Variants in DST observed in about 807,000 individuals in gnomAD.
DST encodes the protein bullous pemphigoid antigen.
Under a neutral mutation model 875.2 loss-of-function variants are expected in DST, and 253 were observed. The ratio of observed to expected loss-of-function variants is 0.29; its 90% CI spans 0.26 to 0.32. The LOEUF (loss-of-function observed/expected upper bound fraction) is 0.32, where lower values mean the gene tolerates loss of function less well. Among genes scored for constraint, DST ranks in the 10% least tolerant of loss-of-function variants. DST has a pLI of 1.00. For missense variants in DST, 8,287 were observed against 9,111.6 expected (o/e 0.91, Z 3.68); for synonymous variants, 3,124 against 3,197.1 (o/e 0.98, Z 0.77).
chr6:56,663,281 C>T (rs566099509), intron 10 of DST, among the ~76,000 whole-genome samples: 5 of 152,304 alleles, frequency 3.3e-5, no homozygotes, highest in African/African-American at 1.2e-4. Flanking sequence ...AGAAGTCATC[C>T]ATTTCTGTTC....
intron 3 of DST, among the ~76,000 whole-genome samples, chr6:56,893,099 C>T (rs180795426): frequency 5.9e-5 from 9 of 152,294 alleles, no homozygotes; most frequent in African/African-American, 2.2e-4. Context: ...TTGGTGCACC[C>T]ATCACCCAAG....
At chr6:56,467,436 A>C (rs896839054) in intron 98 of DST, 2 of 152,138 alleles carry the variant, frequency 1.3e-5, no homozygotes, top group Non-Finnish European at 2.9e-5. Flanking sequence ...ACTTTTAAAA[A>C]CCACTATTTC....
Position 56,953,815 on chromosome 6 carries a change from A to G in DST, c.186T>C (p.Ala62=). The G allele has an allele frequency of 1.5e-6, 2 of 1,314,868 alleles. No homozygotes were observed. The highest frequency in any genetic ancestry group is 2.0e-6 in the Non-Finnish European group (2 of 993,894). 81.5% of individuals were successfully genotyped at this position (1,314,868 alleles called of 1,614,324 possible). Residue 62 remains alanine (A), a synonymous_variant, in exon 2 of 104, where the codon GCT becomes GCC. Coordinates refer to ENST00000680361, the MANE Select transcript of DST (RefSeq NM_001374736.1). ...VFSGRSRSRD[A]VLRSHHFRSE... ...AACGAAAGTGGTGCGATCTCAAAAC[A>G]GCATCTGGGGAGAAAAGAGATAAAT...
At chr6:56,614,927 ACAC>A in intron 36 of DST, 1 of 991,446 alleles carries the variant, frequency 1.0e-6, no homozygotes. Context: ...CCCTCCTCCA[ACAC>A]ATAATATTCA....
intron 9 of DST, among the ~76,000 whole-genome samples, chr6:56,696,873 C>T (rs2099267136): frequency 6.6e-6 from 1 of 152,170 alleles, no homozygotes; most frequent in Non-Finnish European, 1.5e-5. Flanking sequence ...TTCCCGCAGG[C>T]CTTCTCCAAA....
chr6:56,698,692 G>T lies in DST; in HGVS notation c.1047+961C>A, dbSNP rs537779933. On this transcript the variant is annotated intron_variant, in intron 9 of 103. Coordinates refer to ENST00000680361, the MANE Select transcript of DST (RefSeq NM_001374736.1). ...CAGGTCCTTTTTGAAGCTGGCAAAG[G>T]ATCACTTCCTCCTTCAAGATCCAAC... Among the ~76,000 whole-genome samples, 41 of 152,302 alleles carry T rather than the reference G, an allele frequency of 2.7e-4. 1 individual carries two copies. Among genetic ancestry groups the T allele is most frequent in the Middle Eastern group, 3.4e-3 (1 of 294 alleles).
chr6:56,877,427 G>T (rs557414003), intron 3 of DST, among the ~76,000 whole-genome samples: 71 of 152,196 alleles, frequency 4.7e-4, no homozygotes, highest in African/African-American at 1.7e-3. Flanking sequence ...ATGGTGGCAG[G>T]CACCTGTAAT....
intron 87 of DST, 101 bp from the exon 88 acceptor site, chr6:56,485,572 G>A: frequency 8.8e-7 from 1 of 1,132,810 alleles, no homozygotes; most frequent in South Asian, 1.5e-5. Context: ...GTACTCAAGG[G>A]GAAGAGCAGT....
At chr6:56,846,161 G>T (rs1370635221) in intron 4 of DST, among the ~76,000 whole-genome samples, 1 of 152,214 alleles carries the variant, frequency 6.6e-6, no homozygotes, top group Non-Finnish European at 1.5e-5. Context: ...GTGCTTAGAA[G>T]AACATCTGGC....
chr6:56,951,930 T>TCCC (rs1822548650), intron 2 of DST, among the ~76,000 whole-genome samples: 1 of 152,208 alleles, frequency 6.6e-6, no homozygotes, highest in Non-Finnish European at 1.5e-5. Flanking sequence ...AACTCTGAGT[T>TCCC]CTATTTGCCC....
chr6:56,565,693 T>G (rs1447718248), intron 55 of DST, among the ~76,000 whole-genome samples: 1 of 152,200 alleles, frequency 6.6e-6, no homozygotes, highest in Non-Finnish European at 1.5e-5. Flanking sequence ...CCACTTGAGA[T>G]GGCAGTCTGT....
intron 9 of DST, among the ~76,000 whole-genome samples, chr6:56,697,458 A>G (rs1182718016): frequency 2.0e-5 from 3 of 152,214 alleles, no homozygotes; most frequent in African/African-American, 7.2e-5. Flanking sequence ...CCCCCAAACC[A>G]GAATGGATTC....
At chr6:56,838,028 GTAA>G (rs1251070343) in intron 4 of DST, among the ~76,000 whole-genome samples, 54 of 152,050 alleles carry the variant, frequency 3.6e-4, no homozygotes, top group African/African-American at 1.3e-3. Context: ...TAGGTAGAAT[GTAA>G]TCCCTGAAAT....
intron 10 of DST, among the ~76,000 whole-genome samples, chr6:56,667,828 T>TAC (rs36046330): frequency 0.029 from 4,372 of 149,840 alleles, 208 homozygotes; most frequent in African/African-American, 0.099. Context: ...TATATATATA[T>TAC]ACACACACAC....
At position 56,560,158 on chromosome 6, in the gene DST, C is replaced by CA. The variant is rs1270342759; in HGVS notation, c.14440+135dup. The CA allele has an allele frequency of 9.0e-6, 8 of 890,788 alleles. No homozygotes were observed. The East Asian group carries it at 2.3e-4, about 26-fold the overall frequency. 55.2% of individuals were successfully genotyped at this position (890,788 alleles called of 1,614,324 possible). On this transcript the variant is annotated intron_variant, in intron 58 of 103. Transcript: ENST00000680361. ...ATATAATTTGAAATGACACTTTATG[C>CA]AAAAAATAGATTCTGAAACATTAAA... is the stretch of plus-strand genomic sequence containing the variant.
At chr6:56,868,283 T>C (rs1775223067) in intron 3 of DST, among the ~76,000 whole-genome samples, 1 of 152,224 alleles carries the variant, frequency 6.6e-6, no homozygotes, top group Non-Finnish European at 1.5e-5. Context: ...TAGTTCAGCA[T>C]CTCAGGTCAC....
intron 2 of DST, among the ~76,000 whole-genome samples, chr6:56,940,191 T>C (rs1425760675): frequency 4.2e-5 from 6 of 142,202 alleles, no homozygotes; most frequent in African/African-American, 5.2e-5. Flanking sequence ...ATTACCCCCA[T>C]ACACACACAC....
intron 90 of DST, among the ~76,000 whole-genome samples, chr6:56,481,320 C>G (rs866434418): frequency 6.6e-6 from 1 of 152,126 alleles, no homozygotes; most frequent in Non-Finnish European, 1.5e-5. Flanking sequence ...GTTACCATTT[C>G]AAATTCTTGA....
At chr6:56,658,661 T>A (rs575576373) in intron 10 of DST, among the ~76,000 whole-genome samples, 1 of 148,820 alleles carries the variant, frequency 6.7e-6, no homozygotes, top group African/African-American at 2.6e-5. Flanking sequence ...GTATGCTACA[T>A]AGAAATAATT....
Sources: gnomAD v4.1 joint callset for allele counts (sites outside exome capture counted in the v4.1 genomes callset) on GRCh38, gnomAD v4.1.1 for gene constraint, MANE v1.5 for transcripts, NCBI Gene and HGNC (gene_info 2026-07-23, HGNC 2026-07-21) for gene names.